Variants in TNIK observed in about 807,000 individuals in gnomAD.
The protein encoded by TNIK is TRAF2 and NCK-interacting protein kinase.
In TNIK, 49 loss-of-function variants were observed where a neutral mutation model predicts 191.3. The observed-to-expected ratio is 0.26, with a 90% confidence interval of 0.20 to 0.32. TNIK has a LOEUF of 0.32. Among genes scored for constraint, TNIK ranks in the 10% least tolerant of loss-of-function variants. The pLI, the probability that TNIK is intolerant of heterozygous loss-of-function variation, is 1.00. For missense variants in TNIK, 1,155 were observed against 1,702.3 expected (o/e 0.68, Z 5.66); for synonymous variants, 594 against 600.9 (o/e 0.99, Z 0.17).
intron 4 of TNIK, among the ~76,000 whole-genome samples, chr3:171,196,696 A>G (rs1285019130): frequency 6.6e-6 from 1 of 152,252 alleles, no homozygotes; most frequent in African/African-American, 2.4e-5. Context: ...AAAAAAAGAT[A>G]TACACATTTT....
At chr3:171,201,752 A>G (rs935331305) in intron 4 of TNIK, among the ~76,000 whole-genome samples, 35 of 152,230 alleles carry the variant, frequency 2.3e-4, no homozygotes, top group African/African-American at 8.4e-4. Flanking sequence ...TCAAACCTTA[A>G]AAAGCAACTT....
intron 18 of TNIK, among the ~76,000 whole-genome samples, chr3:171,112,510 A>G (rs1244995567): frequency 6.6e-6 from 1 of 152,230 alleles, no homozygotes; most frequent in African/African-American, 2.4e-5. Context: ...GGGAAAAAAT[A>G]AGGAAGGAAC....
intron 2 of TNIK, among the ~76,000 whole-genome samples, chr3:171,263,222 G>A (rs1747874036): frequency 6.6e-6 from 1 of 152,154 alleles, no homozygotes; most frequent in Non-Finnish European, 1.5e-5. Flanking sequence ...AGTTAGTAGA[G>A]CCAGTGTTGA....
chr3:171,266,744 A>T (rs887236400), intron 2 of TNIK, among the ~76,000 whole-genome samples: 1 of 152,198 alleles, frequency 6.6e-6, no homozygotes, highest in Non-Finnish European at 1.5e-5. Context: ...AAAATTATAG[A>T]GTGCCTTGAA....
chr3:171,225,799 C>T (rs1742898978), intron 3 of TNIK: 1 of 354,288 alleles, frequency 2.8e-6, no homozygotes, highest in African/African-American at 2.2e-5. Context: ...TTTTATGCCC[C>T]AAGATTAATG....
chr3:171,335,478 T>TA (rs1411288393), intron 2 of TNIK, among the ~76,000 whole-genome samples: 2 of 152,210 alleles, frequency 1.3e-5, no homozygotes, highest in Non-Finnish European at 2.9e-5. Flanking sequence ...TCCATCCCTA[T>TA]AGTTTTGCCT....
intron 2 of TNIK, among the ~76,000 whole-genome samples, chr3:171,286,677 A>G (rs1577355949): frequency 1.3e-5 from 2 of 152,220 alleles, no homozygotes; most frequent in East Asian, 3.8e-4. Context: ...AAATTGAAAC[A>G]TAAAACTTTA....
At chr3:171,312,898 C>A (rs1754203234) in intron 2 of TNIK, among the ~76,000 whole-genome samples, 1 of 152,088 alleles carries the variant, frequency 6.6e-6, no homozygotes, top group Admixed American at 6.6e-5. Context: ...ATGGCAATTA[C>A]TGATGCTTAA....
At chr3:171,181,147 T>C (rs1218631795) in intron 7 of TNIK, among the ~76,000 whole-genome samples, 2 of 152,222 alleles carry the variant, frequency 1.3e-5, no homozygotes, top group South Asian at 2.1e-4. Context: ...CAGCTGAGAA[T>C]AGGCTTTTAA....
At chr3:171,439,658 A>T (rs1265289733) in intron 1 of TNIK, 1 of 152,196 alleles carries the variant, frequency 6.6e-6, no homozygotes, top group African/African-American at 2.4e-5. Context: ...TATTATATAA[A>T]TTACACTCCA....
chr3:171,242,454 A>G (rs1273990088), intron 2 of TNIK, among the ~76,000 whole-genome samples: 1 of 152,140 alleles, frequency 6.6e-6, no homozygotes, highest in East Asian at 1.9e-4. Context: ...TCTGATTTCA[A>G]TCACATTGGT....
At chr3:171,301,615 T>C (rs1752892753) in intron 2 of TNIK, among the ~76,000 whole-genome samples, 1 of 152,158 alleles carries the variant, frequency 6.6e-6, no homozygotes, top group African/African-American at 2.4e-5. Context: ...ACATCCAGCC[T>C]TAGCCTGGAC....
chr3:171,367,684 T>A (rs1288851159), intron 2 of TNIK, among the ~76,000 whole-genome samples: 1 of 152,182 alleles, frequency 6.6e-6, no homozygotes, highest in Non-Finnish European at 1.5e-5. Context: ...TTGGCCTGGT[T>A]GGTCTTGAAA....
intron 1 of TNIK, among the ~76,000 whole-genome samples, chr3:171,374,937 A>G (rs1277319889): frequency 1.3e-5 from 2 of 152,208 alleles, no homozygotes; most frequent in Admixed American, 1.3e-4. Flanking sequence ...ATGCTTAGTC[A>G]GGGTCACACT....
At chr3:171,429,271 A>G (rs759013945) in intron 1 of TNIK, among the ~76,000 whole-genome samples, 6 of 152,186 alleles carry the variant, frequency 3.9e-5, no homozygotes, top group Non-Finnish European at 8.8e-5. Context: ...CAAGCCTAGG[A>G]TATCTACTAG....
At chr3:171,091,141 G>T (rs1221378406) in intron 23 of TNIK, among the ~76,000 whole-genome samples, 1 of 151,780 alleles carries the variant, frequency 6.6e-6, no homozygotes, top group East Asian at 1.9e-4. Context: ...CATTTTTTCT[G>T]GTATGTCTGT....
At position 171,366,312 on chromosome 3, in the gene TNIK, A is replaced by C. The variant is rs903542030; in HGVS notation, c.123+3308T>G. Among the ~76,000 whole-genome samples, 3 of 152,212 alleles carry C rather than the reference A, an allele frequency of 2.0e-5. No homozygotes were observed. Among genetic ancestry groups the C allele is most frequent in the African/African-American group, 4.8e-5 (2 of 41,460 alleles). ...CACTACTTGATTAGATGGGACTAAA[A>C]TGCTAAAGATAAACAAATCTAACCT... is the stretch of plus-strand genomic sequence containing the variant. On this transcript the variant is annotated intron_variant, in intron 2 of 32. Transcript: ENST00000436636. The surrounding 1 kb of genome is among the most constrained non-coding windows in gnomAD (Gnocchi z 4.1).
At chr3:171,250,179 C>T (rs1445928157) in intron 2 of TNIK, among the ~76,000 whole-genome samples, 4 of 152,178 alleles carry the variant, frequency 2.6e-5, no homozygotes, top group Non-Finnish European at 5.9e-5. Flanking sequence ...ACTGATTACT[C>T]CCTTCTCAGA....
chr3:171,430,005 C>T (rs1180846409), intron 1 of TNIK, among the ~76,000 whole-genome samples: 1 of 152,124 alleles, frequency 6.6e-6, no homozygotes, highest in Non-Finnish European at 1.5e-5. Context: ...CCATCCCAGA[C>T]CTACTGATTC....
Sources: gnomAD v4.1 joint callset for allele counts (sites outside exome capture counted in the v4.1 genomes callset) on GRCh38, gnomAD v4.1.1 for gene constraint, Gnocchi (gnomAD v3.1) non-coding constraint, MANE v1.5 for transcripts, NCBI Gene and HGNC (gene_info 2026-07-23, HGNC 2026-07-21) for gene names.